GALNT18: variants seen among roughly 807,000 people sequenced by gnomAD.
The protein encoded by GALNT18 is GalNAc-transferase 18.
In GALNT18, 44 loss-of-function variants were observed where a neutral mutation model predicts 69.5. That is an observed-to-expected ratio of 0.63 (90% CI 0.50 to 0.81). The LOEUF is 0.81. GALNT18 is among the 40% of genes least tolerant of loss of function. The pLI, the probability that GALNT18 is intolerant of heterozygous loss-of-function variation, is 0.00. For synonymous variants in GALNT18, 364 were observed against 318.2 expected, an observed-to-expected ratio of 1.14 and a Z score of -1.53; for missense variants, 715 against 810.0, an observed-to-expected ratio of 0.88 and a Z score of 1.42.
chr11:11,548,467 G>A (rs1031452587), intron 1 of GALNT18, among the ~76,000 whole-genome samples: 2 of 152,194 alleles, frequency 1.3e-5, no homozygotes, highest in African/African-American at 4.8e-5. Flanking sequence ...GTCCCAGCTA[G>A]CTTCTGACCC....
intron 1 of GALNT18, among the ~76,000 whole-genome samples, chr11:11,512,989 G>T (rs1857194078): frequency 6.6e-6 from 1 of 152,200 alleles, no homozygotes. Flanking sequence ...AACAGAAAAG[G>T]CACTGGATAT....
At chr11:11,279,375 G>T (rs972769735) in intron 10 of GALNT18, among the ~76,000 whole-genome samples, 8 of 152,082 alleles carry the variant, frequency 5.3e-5, no homozygotes, top group African/African-American at 1.9e-4. Context: ...TACAACTGTT[G>T]AAATGGGCAG....
rs117848898 is a variant in GALNT18 at position 11,387,085 on chromosome 11, G to A, written c.596-7821C>T. On this transcript the variant is annotated intron_variant, in intron 3 of 10. Transcript: ENST00000227756. This position sits in a 1 kb window ranked among gnomAD's most constrained non-coding sequence, Gnocchi z 4.6. ...CAAAAAGGCACCTCCTGCCAAATAC[G>A]TGTGGTTCCAGCCCATAACACAAGG... Among the ~76,000 whole-genome samples, 1,422 of 152,268 alleles carry A rather than the reference G, an allele frequency of 9.3e-3. 11 individuals carry two copies. Among genetic ancestry groups the A allele is most frequent in the Non-Finnish European group, 0.014 (984 of 68,026 alleles).
rs2133966956 is a variant in GALNT18 at position 11,613,377 on chromosome 11, AC to A, written c.235+7981del. Among the ~76,000 whole-genome samples, 2 of 152,376 alleles carry A rather than the reference AC, an allele frequency of 1.3e-5. 1 individual carries two copies. The highest frequency in any genetic ancestry group is 3.9e-4 in the East Asian group (2 of 5,182). ...ATTAGTGAGTAACAATAATTTAAGT[AC>A]CAAAGCTTATGAATGATTAGCTTTA... On this transcript the variant is annotated intron_variant, in intron 1 of 10. Coordinates refer to ENST00000227756, the MANE Select transcript of GALNT18 (RefSeq NM_198516.3). This position sits in a 1 kb window ranked among gnomAD's most constrained non-coding sequence, Gnocchi z 4.2.
chr11:11,542,666 C>T lies in GALNT18; in HGVS notation c.235+78693G>A, dbSNP rs539918068. ...GCAGCATGGGTTCAAATCTCTGCTA[C>T]TTTCTAGTTGTGTAATCTTGGTCAC... On this transcript the variant is annotated intron_variant, in intron 1 of 10. Transcript: ENST00000227756. This position sits in a 1 kb window ranked among gnomAD's most constrained non-coding sequence, Gnocchi z 4.3. 1.3e-5 allele frequency among the ~76,000 whole-genome samples: 2 copies of T among 152,324 alleles called. No homozygotes were observed. Among genetic ancestry groups the T allele is most frequent in the East Asian group, 3.9e-4 (2 of 5,186 alleles).
chr11:11,303,728 G>C (rs1333298708), intron 9 of GALNT18, among the ~76,000 whole-genome samples: 1 of 152,202 alleles, frequency 6.6e-6, no homozygotes, highest in African/African-American at 2.4e-5. Flanking sequence ...CTGCAAGGCA[G>C]ACCTGGGGCT....
intron 6 of GALNT18, chr11:11,351,843 G>T: frequency 5.6e-6 from 5 of 894,216 alleles, no homozygotes; most frequent in Non-Finnish European, 8.6e-6. Context: ...CAGACACGTT[G>T]CTTCTGAAGT....
At chr11:11,442,230 T>G (rs778501739) in intron 2 of GALNT18, among the ~76,000 whole-genome samples, 3 of 152,178 alleles carry the variant, frequency 2.0e-5, no homozygotes, top group African/African-American at 7.2e-5. Context: ...CACATTGTCA[T>G]CTCTCAGGTT....
chr11:11,593,009 G>A (rs1439786466), intron 1 of GALNT18, among the ~76,000 whole-genome samples: 1 of 152,046 alleles, frequency 6.6e-6, no homozygotes, highest in African/African-American at 2.4e-5. Flanking sequence ...TGCGCCTCTC[G>A]GGTTCACGCC....
At chr11:11,513,049 C>A (rs1253195384) in intron 1 of GALNT18, among the ~76,000 whole-genome samples, 8 of 152,290 alleles carry the variant, frequency 5.3e-5, no homozygotes, top group Admixed American at 3.9e-4. Context: ...AGACCCAGAA[C>A]AACAGGCACC....
intron 3 of GALNT18, among the ~76,000 whole-genome samples, chr11:11,419,026 C>A (rs576621848): frequency 6.6e-6 from 1 of 152,276 alleles, no homozygotes; most frequent in African/African-American, 2.4e-5. Flanking sequence ...TGGAGAACCA[C>A]CTGAGCCACT....
rs1273458123 is a variant in GALNT18 at position 11,444,047 on chromosome 11, A to G, written c.428+4697T>C. On this transcript the variant is annotated intron_variant, in intron 2 of 10. Transcript: ENST00000227756. This position sits in a 1 kb window ranked among gnomAD's most constrained non-coding sequence, Gnocchi z 4.4. Reference sequence around the variant, plus strand: ...CATTATTCTGCCTATCCATGAAGCCAGGACCCCCCAAAGTTCAAAGATCCC... The same window carrying G: ...CATTATTCTGCCTATCCATGAAGCCGGGACCCCCCAAAGTTCAAAGATCCC... Among the ~76,000 whole-genome samples, 5 of 152,310 alleles carry G rather than the reference A, an allele frequency of 3.3e-5. No homozygotes were observed. The East Asian group carries it at 9.7e-4, about 29-fold the overall frequency.
intron 6 of GALNT18, chr11:11,353,082 G>T: frequency 1.9e-6 from 3 of 1,614,168 alleles, no homozygotes; most frequent in Non-Finnish European, 1.7e-6. Flanking sequence ...ATTAACATCT[G>T]TGTAAACTCT....
chr11:11,525,854 G>A (rs1011581261), intron 1 of GALNT18, among the ~76,000 whole-genome samples: 1 of 151,908 alleles, frequency 6.6e-6, no homozygotes, highest in Admixed American at 6.6e-5. Flanking sequence ...GGCTGGTCTC[G>A]AACTCCCAAC....
chr11:11,355,548 A>C (rs1850512962), intron 6 of GALNT18, among the ~76,000 whole-genome samples: 1 of 152,044 alleles, frequency 6.6e-6, no homozygotes, highest in Non-Finnish European at 1.5e-5. Context: ...TTGGACAGTA[A>C]ATTAAAATTT....
intron 6 of GALNT18, among the ~76,000 whole-genome samples, chr11:11,344,362 AC>A (rs940551409): frequency 3.3e-5 from 5 of 151,842 alleles, no homozygotes; most frequent in African/African-American, 1.2e-4. Flanking sequence ...ACTTTGCTGC[AC>A]CCCCTTCCGC....
chr11:11,408,074 A>G (rs552259833), intron 3 of GALNT18, among the ~76,000 whole-genome samples: 3 of 152,336 alleles, frequency 2.0e-5, no homozygotes, highest in African/African-American at 7.2e-5. Flanking sequence ...ATTAAAAAGT[A>G]TATACTACTG....
chr11:11,316,296 C>G (rs1038584866), intron 9 of GALNT18, among the ~76,000 whole-genome samples: 3 of 152,110 alleles, frequency 2.0e-5, no homozygotes, highest in Admixed American at 1.3e-4. Context: ...TCATAGAAAA[C>G]TGGAGAAATT....
At chr11:11,388,657 G>T (rs1351293904) in intron 3 of GALNT18, among the ~76,000 whole-genome samples, 1 of 152,204 alleles carries the variant, frequency 6.6e-6, no homozygotes, top group African/African-American at 2.4e-5. Context: ...GATGAGCTCG[G>T]CTAGTCCAGG....
Sources: allele counts gnomAD v4.1 joint callset (sites outside exome capture counted in the v4.1 genomes callset), GRCh38; gene constraint gnomAD v4.1.1; non-coding constraint Gnocchi (gnomAD v3.1); transcripts MANE v1.5; gene names NCBI Gene and HGNC (gene_info 2026-07-23, HGNC 2026-07-21).